ARHGAP25: variants seen among roughly 807,000 people sequenced by gnomAD.
ARHGAP25 encodes Rho GTPase activating protein 25.
In ARHGAP25, 34 loss-of-function variants were observed where a neutral mutation model predicts 71.0. The observed-to-expected ratio is 0.48, with a 90% CI of 0.36 to 0.64. ARHGAP25 has a LOEUF of 0.64. Among genes scored for constraint, ARHGAP25 ranks in the 30% least tolerant of loss-of-function variants. The pLI, the probability that ARHGAP25 is intolerant of heterozygous loss-of-function variation, is 0.00. For synonymous variants in ARHGAP25, 282 were observed against 296.5 expected, an observed-to-expected ratio of 0.95 and a Z score of 0.50; for missense variants, 706 against 805.1, an observed-to-expected ratio of 0.88 and a Z score of 1.49.
At chr2:68,800,242 G>A (rs964622107) in intron 4 of ARHGAP25, among the ~76,000 whole-genome samples, 14 of 152,016 alleles carry the variant, frequency 9.2e-5, no homozygotes, top group Non-Finnish European at 1.8e-4. Flanking sequence ...TAGAGGCAGG[G>A]TGGGGAGGGG....
chr2:68,791,521 C>T (rs1573546883), intron 4 of ARHGAP25, among the ~76,000 whole-genome samples: 1 of 151,688 alleles, frequency 6.6e-6, no homozygotes, highest in African/African-American at 2.4e-5. Flanking sequence ...TGGTGAGTCT[C>T]GGTGGAGCTC....
In ARHGAP25 at chr2:68,819,204, T is replaced by C. The variant is rs1363956993; in HGVS notation, c.1085T>C (p.Leu362Pro). 1 of 1,614,114 alleles carries C rather than the reference T, an allele frequency of 6.2e-7. No homozygotes were observed. Among genetic ancestry groups the C allele is most frequent in the South Asian group, 1.1e-5 (1 of 91,070 alleles). Residue 362 changes from leucine to proline, a missense_variant, in exon 9 of 11, where the codon CTG (leucine) becomes CCG (proline). Physicochemically the swap from Leu to Pro is moderately conservative, Grantham distance 98. Coordinates refer to ENST00000409202, the MANE Select transcript of ARHGAP25 (RefSeq NM_001007231.3). ...VLFPKSKDIP[L>P]SPPAQKNDPK... ...TTCCCCAAGTCCAAGGATATACCCCTGTCACCCCCTGCCCAGAAAAATGAC... is the reference window on the plus strand; with the variant it reads ...TTCCCCAAGTCCAAGGATATACCCCCGTCACCCCCTGCCCAGAAAAATGAC...
rs117220576 is a variant in ARHGAP25, at chr2:68,815,316, G to A, written c.808-973G>A. On this transcript the variant is annotated intron_variant, in intron 6 of 10. Coordinates refer to ENST00000409202, the MANE Select transcript of ARHGAP25 (RefSeq NM_001007231.3). Reference sequence around the variant, plus strand: ...GATCTCAGCATGAAGCTGATGCTACGCTAAGAAGGTCTATATCTACGGAAG... The same window carrying A: ...GATCTCAGCATGAAGCTGATGCTACACTAAGAAGGTCTATATCTACGGAAG... 1.6e-3 allele frequency among the ~76,000 whole-genome samples: 246 copies of A among 152,274 alleles called. 5 individuals carry two copies. In the East Asian group the frequency reaches 0.044, roughly 27 times the overall value.
intron 1 of ARHGAP25, among the ~76,000 whole-genome samples, chr2:68,766,709 T>TC: frequency 6.6e-6 from 1 of 151,064 alleles, no homozygotes; most frequent in African/African-American, 2.5e-5. Flanking sequence ...CCTCTCTCTC[T>TC]CCCCTTCTCT....
chr2:68,775,771 C>T (rs1677846978), intron 2 of ARHGAP25: 1 of 484,404 alleles, frequency 2.1e-6, no homozygotes, highest in South Asian at 1.6e-5. Flanking sequence ...TTTGTTTGTT[C>T]AGTAAGTATT....
At chr2:68,741,919 C>T (rs1675539573) in intron 1 of ARHGAP25, among the ~76,000 whole-genome samples, 1 of 152,226 alleles carries the variant, frequency 6.6e-6, no homozygotes, top group African/African-American at 2.4e-5. Context: ...TTGAGTCACT[C>T]ATCATAAAAC....
chr2:68,770,883 C>T (rs911101441), intron 1 of ARHGAP25, among the ~76,000 whole-genome samples: 1 of 152,172 alleles, frequency 6.6e-6, no homozygotes, highest in African/African-American at 2.4e-5. Flanking sequence ...TAAAATGCTG[C>T]CTCACTTTTA....
At chr2:68,753,533 G>A (rs544269906) in intron 1 of ARHGAP25, among the ~76,000 whole-genome samples, 6 of 152,328 alleles carry the variant, frequency 3.9e-5, no homozygotes, top group African/African-American at 1.4e-4. Flanking sequence ...GAAGCAGTGT[G>A]GGTTTGTTGC....
chr2:68,722,770 A>AT (rs1319462099), intron 2 of ARHGAP25, among the ~76,000 whole-genome samples: 1 of 151,936 alleles, frequency 6.6e-6, no homozygotes, highest in African/African-American at 2.4e-5. Flanking sequence ...GAACCTCCCA[A>AT]TTTTTCCCCA....
intron 1 of ARHGAP25, among the ~76,000 whole-genome samples, chr2:68,770,988 A>C (rs1165161115): frequency 1.3e-5 from 2 of 152,038 alleles, no homozygotes; most frequent in East Asian, 3.8e-4. Context: ...AATGTTCTCT[A>C]TCTGTTGTCC....
At chr2:68,809,329 G>C (rs1157863440) in intron 5 of ARHGAP25, among the ~76,000 whole-genome samples, 1 of 152,062 alleles carries the variant, frequency 6.6e-6, no homozygotes, top group Non-Finnish European at 1.5e-5. Flanking sequence ...GGAAAGGAGG[G>C]GAGGGGCTTA....
chr2:68,751,959 C>A (rs1676203406), intron 1 of ARHGAP25, among the ~76,000 whole-genome samples: 1 of 152,204 alleles, frequency 6.6e-6, no homozygotes, highest in African/African-American at 2.4e-5. Flanking sequence ...GCATGGGCTT[C>A]CGTTGGCGCT....
intron 2 of ARHGAP25, among the ~76,000 whole-genome samples, chr2:68,728,297 A>G (rs1387002666): frequency 6.6e-6 from 1 of 152,246 alleles, no homozygotes; most frequent in Non-Finnish European, 1.5e-5. Flanking sequence ...CTAACCATCC[A>G]CTAGAATGGC....
intron 1 of ARHGAP25, among the ~76,000 whole-genome samples, chr2:68,773,841 T>C (rs1280050409): frequency 6.6e-6 from 1 of 152,222 alleles, no homozygotes; most frequent in Non-Finnish European, 1.5e-5. Context: ...GAGTAACATA[T>C]ACTTACCTTT....
intron 1 of ARHGAP25, among the ~76,000 whole-genome samples, chr2:68,754,929 G>A (rs1676391201): frequency 7.0e-6 from 1 of 143,142 alleles, no homozygotes; most frequent in South Asian, 2.1e-4. Context: ...GTTGAGTTTT[G>A]TCCTTTTTCA....
At chr2:68,720,108 T>A (rs541648523) in intron 2 of ARHGAP25, among the ~76,000 whole-genome samples, 12 of 152,226 alleles carry the variant, frequency 7.9e-5, no homozygotes, top group African/African-American at 2.9e-4. Context: ...TGATCAGGGT[T>A]CTTTTCTAGA....
Position 68,735,253 on chromosome 2 carries a change from G to A in ARHGAP25, c.54G>A (p.Ala18=), listed in dbSNP as rs200716174. 140 of 1,614,004 alleles carry A rather than the reference G, an allele frequency of 8.7e-5. No homozygotes were observed. Among genetic ancestry groups the A allele is most frequent in the African/African-American group, 2.0e-4 (15 of 74,918 alleles). Residue 18 remains alanine, a synonymous_variant, in exon 1 of 11, where the codon GCG becomes GCA. Transcript: ENST00000409202. ...ATTTCAACCTGAAAGTGGAGGCTGC[G>A]AAAATAGGTATGGTTGGTGTCTTTT... ...NWDFNLKVEA[A]KIARSRSVMT...
In ARHGAP25 at chr2:68,800,192, G is replaced by A. The variant is rs1679866793; in HGVS notation, c.467-7081G>A. ...AGTGCTGAGCGGGCAGGCACAGTGT[G>A]TATGGGGGTGGGGAGCTCTCCCTGA... On this transcript the variant is annotated intron_variant, in intron 4 of 10. Coordinates refer to ENST00000409202, the MANE Select transcript of ARHGAP25 (RefSeq NM_001007231.3). Among the ~76,000 whole-genome samples the A allele has an allele frequency of 2.6e-5, 4 of 151,782 alleles. 1 individual carries two copies. In the East Asian group the frequency reaches 5.8e-4, roughly 22 times the overall value.
intron 2 of ARHGAP25, among the ~76,000 whole-genome samples, chr2:68,720,724 T>C (rs1049161712): frequency 2.6e-5 from 4 of 152,068 alleles, no homozygotes; most frequent in African/African-American, 9.7e-5. Flanking sequence ...GGATTATAAC[T>C]CCCCCCTCTC....
Sources: gnomAD v4.1 joint callset for allele counts (sites outside exome capture counted in the v4.1 genomes callset) on GRCh38, gnomAD v4.1.1 for gene constraint, MANE v1.5 for transcripts, NCBI Gene and HGNC (gene_info 2026-07-23, HGNC 2026-07-21) for gene names.